Variants in ALPK1 observed in about 807,000 individuals in gnomAD.
ALPK1 encodes the protein alpha kinase 1.
In ALPK1, 110 loss-of-function variants were observed where a neutral mutation model predicts 120.6. That is an observed-to-expected ratio of 0.91 (90% CI 0.78 to 1.07). The LOEUF is 1.07. ALPK1 is among the 50% of genes least tolerant of loss of function. ALPK1 has a pLI of 0.00. For synonymous variants in ALPK1, 582 were observed against 560.3 expected (o/e 1.04, Z -0.55); for missense variants, 1,498 against 1,483.9 (o/e 1.01, Z -0.16).
intron 2 of ALPK1, chr4:112,359,555 T>C: frequency 4.1e-6 from 1 of 245,536 alleles, no homozygotes; most frequent in East Asian, 9.8e-5. Context: ...TTGCCACGCC[T>C]CCTATGCTCA....
intron 1 of ALPK1, among the ~76,000 whole-genome samples, 157 bp from the exon 2 acceptor site, chr4:112,315,644 C>G (rs940162311): frequency 2.6e-5 from 4 of 152,186 alleles, no homozygotes. Context: ...AACTTCTCTG[C>G]ACTCATTTGC....
chr4:112,376,656 CTG>C (rs1287811662), intron 2 of ALPK1, among the ~76,000 whole-genome samples: 4 of 152,320 alleles, frequency 2.6e-5, no homozygotes, highest in Non-Finnish European at 5.9e-5. Flanking sequence ...CAATAATTCA[CTG>C]CTTTAATATT....
At chr4:112,358,552 G>A in intron 2 of ALPK1, 1 of 699,742 alleles carries the variant, frequency 1.4e-6, no homozygotes, top group Non-Finnish European at 2.6e-6. Context: ...TGGAGTATGA[G>A]CAGGAGCCAG....
intron 4 of ALPK1, among the ~76,000 whole-genome samples, chr4:112,407,121 C>T (rs1042049669): frequency 6.6e-6 from 1 of 152,128 alleles, no homozygotes; most frequent in Non-Finnish European, 1.5e-5. Flanking sequence ...TTCACCCTTA[C>T]AGTAGAATGG....
chr4:112,420,434 T>C (rs1434205230), intron 5 of ALPK1, among the ~76,000 whole-genome samples: 3 of 152,072 alleles, frequency 2.0e-5, no homozygotes, highest in African/African-American at 4.8e-5. Flanking sequence ...CCATTAAGGG[T>C]TCAGGTTCAA....
intron 2 of ALPK1, among the ~76,000 whole-genome samples, chr4:112,364,518 A>C (rs1731053419): frequency 6.6e-6 from 1 of 152,096 alleles, no homozygotes; most frequent in African/African-American, 2.4e-5. Context: ...CCAGGAAGAA[A>C]TAGAAACTCT....
At chr4:112,345,487 T>C (rs1280933815) in intron 2 of ALPK1, among the ~76,000 whole-genome samples, 1 of 152,200 alleles carries the variant, frequency 6.6e-6, no homozygotes, top group Non-Finnish European at 1.5e-5. Flanking sequence ...AGCTTCATTT[T>C]GCAGAGTAGT....
chr4:112,369,188 G>C lies in ALPK1; in HGVS notation c.-100-8490G>C, dbSNP rs543040392. On this transcript the variant is annotated intron_variant, in intron 2 of 15. Transcript: ENST00000650871. The stretch of plus-strand genomic sequence containing the variant: ...TAGAAGTCTACTTTTTTATGTTTTT[G>C]GTGACTTAGAAGTTGCCTTCTCCCT... Among the ~76,000 whole-genome samples, 3 of 152,084 alleles carry C rather than the reference G, an allele frequency of 2.0e-5. No homozygotes were observed. The South Asian group carries it at 6.2e-4, about 32-fold the overall frequency.
At chr4:112,359,055 A>C (rs1730785762) in intron 2 of ALPK1, 1 of 759,154 alleles carries the variant, frequency 1.3e-6, no homozygotes, top group Admixed American at 1.7e-5. Context: ...AAGGCAGCGG[A>C]CACAGCCAGC....
chr4:112,436,264 T>C (rs1734784981), intron 12 of ALPK1, among the ~76,000 whole-genome samples: 1 of 150,490 alleles, frequency 6.6e-6, no homozygotes, highest in African/African-American at 2.5e-5. Flanking sequence ...GCTAATTCAA[T>C]TAATCTTCAC....
At chr4:112,328,263 A>T (rs559234886) in intron 2 of ALPK1, among the ~76,000 whole-genome samples, 1 of 152,226 alleles carries the variant, frequency 6.6e-6, no homozygotes, top group Non-Finnish European at 1.5e-5. Context: ...GTGGGACTAG[A>T]CTGCATTAGC....
intron 4 of ALPK1, among the ~76,000 whole-genome samples, chr4:112,392,699 T>C (rs1732473162): frequency 6.6e-6 from 1 of 152,122 alleles, no homozygotes; most frequent in African/African-American, 2.4e-5. Flanking sequence ...GCTAATTTTT[T>C]ATTTTTTTGT....
chr4:112,356,118 C>T (rs1730600337), intron 2 of ALPK1: 2 of 1,506,290 alleles, frequency 1.3e-6, no homozygotes, highest in Non-Finnish European at 9.2e-7. Context: ...TCTGTGCCCT[C>T]CTGAGAACAG....
chr4:112,384,952 G>A (rs1732087373), intron 4 of ALPK1: 1 of 152,200 alleles, frequency 6.6e-6, no homozygotes. Context: ...TTAGCCTAGT[G>A]GCATAAAAGA....
intron 5 of ALPK1, among the ~76,000 whole-genome samples, chr4:112,418,156 G>A (rs1733822893): frequency 6.6e-6 from 1 of 152,150 alleles, no homozygotes; most frequent in Non-Finnish European, 1.5e-5. Context: ...TCATACCTAC[G>A]CACACCACGG....
rs117392174 is a variant in ALPK1, at chr4:112,303,285, C to G, written c.-153+5816C>G. ...AGACTCCTATCCAAATGCCTACTTA[C>G]CATTTCTACTCTGTATTCCACAGGC... On this transcript the variant is annotated intron_variant, in intron 1 of 15. Coordinates refer to ENST00000650871, the MANE Select transcript of ALPK1 (RefSeq NM_025144.4). Among the ~76,000 whole-genome samples the G allele has an allele frequency of 1.0e-3, 153 of 152,292 alleles. 1 individual carries two copies. In the East Asian group the frequency reaches 0.023, roughly 23 times the overall value.
chr4:112,421,914 C>A (rs1734011114), intron 5 of ALPK1, among the ~76,000 whole-genome samples: 1 of 152,186 alleles, frequency 6.6e-6, no homozygotes, highest in Admixed American at 6.5e-5. Flanking sequence ...TTCACCTTCT[C>A]ACTTAAAGGA....
At chr4:112,383,774 C>A (rs1553948808) in intron 4 of ALPK1, 1 of 152,142 alleles carries the variant, frequency 6.6e-6, no homozygotes, top group Non-Finnish European at 1.5e-5. Context: ...CCCAGTAAAT[C>A]CATCATAAGT....
intron 11 of ALPK1, 67 bp from the exon 12 acceptor site, chr4:112,435,081 C>T: frequency 6.6e-7 from 1 of 1,505,348 alleles, no homozygotes; most frequent in Non-Finnish European, 9.1e-7. Flanking sequence ...TGTGTCACAT[C>T]AGCTTTATTC....
Sources: allele counts gnomAD v4.1 joint callset (sites outside exome capture counted in the v4.1 genomes callset), GRCh38; gene constraint gnomAD v4.1.1; transcripts MANE v1.5; gene names NCBI Gene and HGNC (gene_info 2026-07-23, HGNC 2026-07-21).